Variants in HMGB3 observed in about 807,000 individuals in gnomAD.
The protein encoded by HMGB3 is high mobility group box 3.
Under a neutral mutation model 12.9 loss-of-function variants are expected in HMGB3, and 1 was observed. The ratio of observed to expected loss-of-function variants is 0.08; its 90% CI spans 0.03 to 0.37. HMGB3 has a LOEUF of 0.37. Ranked by LOEUF, HMGB3 falls within the 10% of genes least tolerant of loss-of-function variation. The pLI is 0.99. For missense variants in HMGB3, 74 were observed against 153.3 expected (o/e 0.48, Z 2.73); for synonymous variants, 61 against 53.9 (o/e 1.13, Z -0.57).
chrX:150,984,667 G>T, intron 1 of HMGB3: 1 of 531,558 alleles, frequency 1.9e-6, no homozygotes, highest in Non-Finnish European at 2.3e-6. Context: ...GGGGGCCGAG[G>T]CGGGCTGCCT....
rs1557425293 is a variant in HMGB3, at chrX:150,987,863, T to C, written c.552T>C (p.Asp184=). ...CCCGGAAAAAGGTGGAAGAGGAAGA[T>C]GAAGAAGAGGAGGAGGAAGAAGAGG... ...KVARKKVEEE[D]EEEEEEEEEE... is the part of the protein sequence containing the mutation. The change falls in exon 5 of 5, where the codon GAT becomes GAC. Residue 184 remains aspartate (D), a synonymous_variant. Transcript: ENST00000325307. 6 of 1,195,520 alleles carry C rather than the reference T, an allele frequency of 5.0e-6. No homozygotes were observed. Among genetic ancestry groups the C allele is most frequent in the Non-Finnish European group, 6.8e-6 (6 of 888,364 alleles).
intron 1 of HMGB3, among the ~76,000 whole-genome samples, chrX:150,985,015 C>A (rs1569566453): frequency 9.0e-6 from 1 of 111,698 alleles, no homozygotes; most frequent in Non-Finnish European, 1.9e-5. Context: ...TACGGGGGTA[C>A]CTGCTCACTT....
intron 2 of HMGB3, 79 bp downstream of exon 2, chrX:150,985,828 C>A: frequency 1.1e-6 from 1 of 924,994 alleles, no homozygotes; most frequent in Non-Finnish European, 1.5e-6. Flanking sequence ...GATTTTCTCC[C>A]AGATAGCTGC....
intron 1 of HMGB3, among the ~76,000 whole-genome samples, chrX:150,984,214 G>T (rs1358520869): frequency 3.1e-5 from 3 of 96,938 alleles, no homozygotes; most frequent in Non-Finnish European, 6.4e-5. Context: ...GCGGGCCCTG[G>T]AGCGGCCGAG....
Position 150,988,048 on chromosome X carries a change from C to T in HMGB3, c.*134C>T, listed in dbSNP as rs2048073353. On this transcript the variant is annotated 3_prime_UTR_variant, in exon 5 of 5. Transcript: ENST00000325307. ...AATTTGATCACGATCATATTGTAGT[C>T]TCTCAAAGTGCTCTAGAAATTGTCA... is the stretch of plus-strand genomic sequence containing the variant. 1 of 841,834 alleles carries T rather than the reference C, an allele frequency of 1.2e-6. No homozygotes were observed. Among genetic ancestry groups the T allele is most frequent in the African/African-American group, 2.0e-5 (1 of 49,148 alleles). 69.4% of individuals were successfully genotyped at this position (841,834 alleles called of 1,213,427 possible).
intron 3 of HMGB3, 52 bp downstream of exon 3, chrX:150,986,242 G>A: frequency 9.7e-7 from 1 of 1,028,612 alleles, no homozygotes; most frequent in South Asian, 2.7e-5. Context: ...CTTCTGCTTG[G>A]AGGATTTGGT....
chrX:150,984,502 C>A (rs1199694699), intron 1 of HMGB3: 11 of 227,715 alleles, frequency 4.8e-5, no homozygotes, highest in Non-Finnish European at 6.2e-5. Context: ...TGCCGCCGGC[C>A]CGGCCGCACA....
intron 1 of HMGB3, chrX:150,985,386 G>A (rs2048042091): frequency 2.9e-6 from 1 of 344,103 alleles, no homozygotes; most frequent in Non-Finnish European, 5.1e-6. Context: ...AGCGCGCTTC[G>A]TGCTGGTCAA....
rs2048099937 is a variant in HMGB3 at position 150,990,370 on chromosome X, C to T, written c.*2456C>T. On this transcript the variant is annotated 3_prime_UTR_variant, in exon 5 of 5. Coordinates refer to ENST00000325307, the MANE Select transcript of HMGB3 (RefSeq NM_005342.4). ...GCTGTCAAGTTGAGGCCACTTGGTC[C>T]ATTAGCTGGGGCAGCAAGATCACTA... The T allele has an allele frequency of 8.9e-6, 1 of 111,838 alleles. No individual in the cohort carries two copies. The highest frequency in any genetic ancestry group is 3.3e-5 in the African/African-American group (1 of 30,728). 9.2% of individuals were successfully genotyped at this position (111,838 alleles called of 1,213,427 possible).
upstream of HMGB3, chrX:150,980,722 A>C (rs1295285136): frequency 2.6e-6 from 1 of 382,891 alleles, no homozygotes; most frequent in South Asian, 1.3e-4. Flanking sequence ...GAGGGTGGCA[A>C]CTGGGGGCCA....
Position 150,988,485 on chromosome X carries a change from T to C in HMGB3, c.*571T>C, listed in dbSNP as rs1204769205. The C allele has an allele frequency of 8.9e-6, 1 of 111,945 alleles. No individual in the cohort carries two copies. Among genetic ancestry groups the C allele is most frequent in the African/African-American group, 3.3e-5 (1 of 30,713 alleles). 9.2% of individuals were successfully genotyped at this position (111,945 alleles called of 1,213,427 possible). A position where few individuals can be genotyped will look rare whatever the true frequency, so the allele number is the denominator to read the frequency against. On this transcript the variant is annotated 3_prime_UTR_variant, in exon 5 of 5. Transcript: ENST00000325307. ...ATTTAGCTTCAGGTTGTCTTGTTTC[T>C]GTATATAGTGACATAGCATTCTGCT...
At chrX:150,984,369 G>C (rs2048027233) in intron 1 of HMGB3, among the ~76,000 whole-genome samples, 1 of 97,078 alleles carries the variant, frequency 1.0e-5, no homozygotes, top group African/African-American at 3.6e-5. Flanking sequence ...GCGGGCGGCG[G>C]CGGCGGGGCC....
rs782208488 is a variant in HMGB3, at chrX:150,985,941, T to C, written c.151-110T>C. The C allele has an allele frequency of 1.3e-5, 12 of 917,399 alleles. No homozygotes were observed. In the African/African-American group the frequency reaches 2.4e-4, roughly 18 times the overall value. 75.6% of individuals were successfully genotyped at this position (917,399 alleles called of 1,213,427 possible). A position where few individuals can be genotyped will look rare whatever the true frequency, so the allele number is the denominator to read the frequency against. ...AGGCCCTGCACAGGTTTCAGGCCTT[T>C]ACCTACCCCCTTTTGCAAGTGGTTC... On this transcript the variant is annotated intron_variant, in intron 2 of 4. Coordinates refer to ENST00000325307, the MANE Select transcript of HMGB3 (RefSeq NM_005342.4).
rs1188252783 is a variant in HMGB3, at chrX:150,990,261, T to G, written c.*2347T>G. ...GCCAAGGATGGAAAGGGGTAACTTT[T>G]GTGCTTCCAAAGTAGCTAAGCAGAA... On this transcript the variant is annotated 3_prime_UTR_variant, in exon 5 of 5. Transcript: ENST00000325307. 8.9e-6 allele frequency: 1 copy of G among 112,266 alleles called. No homozygotes were observed. Among genetic ancestry groups the G allele is most frequent in the African/African-American group, 3.2e-5 (1 of 30,931 alleles). 9.3% of individuals were successfully genotyped at this position (112,266 alleles called of 1,213,427 possible). A position where few individuals can be genotyped will look rare whatever the true frequency, so the allele number is the denominator to read the frequency against.
chrX:150,987,645 A>G (rs2048066542), intron 4 of HMGB3, 132 bp from the exon 5 acceptor site: 1 of 522,602 alleles, frequency 1.9e-6, no homozygotes, highest in African/African-American at 2.3e-5. Flanking sequence ...GAAACACTTC[A>G]GATATATATG....
chrX:150,985,249 C>T (rs2048040440), intron 1 of HMGB3, among the ~76,000 whole-genome samples: 1 of 112,097 alleles, frequency 8.9e-6, no homozygotes, highest in South Asian at 3.7e-4. Flanking sequence ...TGTCCTCTCT[C>T]TACCCTTCCC....
upstream of HMGB3, among the ~76,000 whole-genome samples, chrX:150,982,221 G>A: frequency 9.0e-6 from 1 of 111,664 alleles, no homozygotes; most frequent in East Asian, 2.8e-4. Context: ...ATGCAATGTA[G>A]GATATTTAGT....
upstream of HMGB3, chrX:150,983,241 C>G (rs1557425121): frequency 2.7e-6 from 2 of 731,008 alleles, no homozygotes; most frequent in African/African-American, 4.6e-5. Context: ...CAGCCAATGG[C>G]CAGGCGAGGA....
At chrX:150,987,714 C>A in intron 4 of HMGB3, 63 bp from the exon 5 acceptor site, 1 of 907,061 alleles carries the variant, frequency 1.1e-6, no homozygotes, top group Non-Finnish European at 1.6e-6. Context: ...ATGAGGACTG[C>A]ATGTTTCTAC....
Sources: allele counts gnomAD v4.1 joint callset (sites outside exome capture counted in the v4.1 genomes callset), GRCh38; gene constraint gnomAD v4.1.1; transcripts MANE v1.5; gene names NCBI Gene and HGNC (gene_info 2026-07-23, HGNC 2026-07-21).